ITPR1: variants seen among roughly 807,000 people sequenced by gnomAD.
ITPR1 encodes inositol 1,4,5-trisphosphate-gated calcium channel ITPR1.
Under a neutral mutation model 318.4 loss-of-function variants are expected in ITPR1, and 96 were observed. The observed-to-expected ratio is 0.30, with a 90% confidence interval of 0.26 to 0.36. The LOEUF (loss-of-function observed/expected upper bound fraction) is 0.36, where lower values mean the gene tolerates loss of function less well. Ranked by LOEUF, ITPR1 falls within the 10% of genes least tolerant of loss-of-function variation. The probability of loss-of-function intolerance (pLI) is 1.00; values close to 1 mark genes in which losing one functional copy is unlikely to be tolerated. For missense variants in ITPR1, 2,440 were observed against 3,460.2 expected (o/e 0.71, Z 7.40); for synonymous variants, 1,312 against 1,289.9 (o/e 1.02, Z -0.37).
intron 4 of ITPR1, among the ~76,000 whole-genome samples, chr3:4,583,808 G>A (rs1399218466): frequency 6.6e-6 from 1 of 152,146 alleles, no homozygotes; most frequent in Non-Finnish European, 1.5e-5. Context: ...CAGGATGGGG[G>A]TACCCTGAAG....
At chr3:4,619,618 C>T (rs1208416772) in intron 4 of ITPR1, among the ~76,000 whole-genome samples, 4 of 36,776 alleles carry the variant, frequency 1.1e-4, no homozygotes, top group Admixed American at 2.8e-4. Context: ...CTGCCCTCCC[C>T]TGCTCTCCTC....
At position 4,687,490 on chromosome 3, in the gene ITPR1, C is replaced by T. The variant is rs192064511; in HGVS notation, c.3703-1005C>T. 7.9e-5 allele frequency among the ~76,000 whole-genome samples: 12 copies of T among 152,264 alleles called. No individual in the cohort carries two copies. In the East Asian group the frequency reaches 2.1e-3, roughly 27 times the overall value. On this transcript the variant is annotated intron_variant, in intron 30 of 61. Coordinates refer to ENST00000649015, the MANE Select transcript of ITPR1 (RefSeq NM_001378452.1). ...TTGGAGATCTGGGATAAGAGTAGCG[C>T]AGTCAGGTTTGGTGACCTGCATTCC...
At chr3:4,715,030 TATCTC>T (rs1250922748) in intron 39 of ITPR1, among the ~76,000 whole-genome samples, 1 of 152,260 alleles carries the variant, frequency 6.6e-6, no homozygotes, top group African/African-American at 2.4e-5. Context: ...ACATCTGCCT[TATCTC>T]AGTTCAGCCT....
chr3:4,783,823 G>A lies in ITPR1; in HGVS notation c.6518G>A (p.Arg2173Gln), dbSNP rs1353726332. Reference sequence around the variant, plus strand: ...TCTGTCCCTGTATTCTAGTTGGCTCGGCATAACAAAGAACTTCAGAGCATG... The same window carrying A: ...TCTGTCCCTGTATTCTAGTTGGCTCAGCATAACAAAGAACTTCAGAGCATG... ...NIYILAHQLA[R>Q]HNKELQSMLK... The change falls in exon 51 of 62, where the codon CGG (arginine) becomes CAG (glutamine). Residue 2173 changes from arginine to glutamine, a missense_variant. Arg to Gln is a conservative substitution (Grantham distance 43, BLOSUM62 1). Transcript: ENST00000649015. 3.7e-6 allele frequency: 6 copies of A among 1,601,648 alleles called. No homozygotes were observed. Among genetic ancestry groups the A allele is most frequent in the Admixed American group, 1.7e-5 (1 of 58,424 alleles).
intron 4 of ITPR1, among the ~76,000 whole-genome samples, chr3:4,603,431 G>GTTTTGTTTTTGT (rs1168864002): frequency 6.6e-6 from 1 of 151,176 alleles, no homozygotes; most frequent in Non-Finnish European, 1.5e-5. Flanking sequence ...TTTATTTTTG[G>GTTTTGTTTTTGT]TTTTGTTTTT....
intron 28 of ITPR1, among the ~76,000 whole-genome samples, chr3:4,684,019 G>A (rs767709817): frequency 2.6e-5 from 4 of 152,192 alleles, no homozygotes; most frequent in East Asian, 1.9e-4. Context: ...AAGAGACTGC[G>A]ATATTGAGTG....
chr3:4,504,869 G>T (rs566202272), intron 2 of ITPR1, among the ~76,000 whole-genome samples: 1 of 152,248 alleles, frequency 6.6e-6, no homozygotes, highest in Admixed American at 6.5e-5. Context: ...GGGCATCGCA[G>T]GGAGACTTGT....
In ITPR1 at chr3:4,836,764, T is replaced by C. The variant is rs2050955988; in HGVS notation, c.8029-10T>C. On this transcript the variant is annotated splice_polypyrimidine_tract_variant and intron_variant, in intron 60 of 61. Transcript: ENST00000649015. ...TTTTTTTTTTTTTTTTTTTTTAATG[T>C]GGATTCTAGGAAAGAAACCTTGACT... 1 of 1,281,602 alleles carries C rather than the reference T, an allele frequency of 7.8e-7. No homozygotes were observed. The highest frequency in any genetic ancestry group is 1.0e-6 in the Non-Finnish European group (1 of 995,598). 79.4% of individuals were successfully genotyped at this position (1,281,602 alleles called of 1,614,324 possible). A position where few individuals can be genotyped will look rare whatever the true frequency, so the allele number is the denominator to read the frequency against.
At position 4,733,112 on chromosome 3, in the gene ITPR1, G is replaced by A; in HGVS notation, c.5245G>A (p.Val1749Ile). ...KRGEALRQVLVNRYYGNVRPS... is the reference protein window; with the variant it reads ...KRGEALRQVLINRYYGNVRPS... ...GGGTGAGGCGCTCAGGCAAGTTCTG[G>A]TCAACCGTTACTATGGAAACGTCAG... The change falls in exon 43 of 62, where the codon GTC (valine) becomes ATC (isoleucine). Residue 1749 changes from valine (V) to isoleucine (I), a missense_variant. By Grantham distance (29) the Val-to-Ile change is conservative. This residue lies in a region of ITPR1 where 166 missense variants were observed against 143.7 expected (regional missense o/e 1.16). Coordinates refer to ENST00000649015, the MANE Select transcript of ITPR1 (RefSeq NM_001378452.1). The A allele has an allele frequency of 3.7e-6, 6 of 1,613,516 alleles. No individual in the cohort carries two copies. The highest frequency in any genetic ancestry group is 2.7e-5 in the African/African-American group (2 of 75,044).
At chr3:4,750,877 C>T (rs542009446) in intron 44 of ITPR1, 1 of 152,744 alleles carries the variant, frequency 6.5e-6, no homozygotes, top group African/African-American at 2.4e-5. Flanking sequence ...CCCGGGACAT[C>T]AGAAGTTGTT....
chr3:4,499,719 T>C (rs1349005207), intron 2 of ITPR1, among the ~76,000 whole-genome samples: 1 of 152,212 alleles, frequency 6.6e-6, no homozygotes, highest in Non-Finnish European at 1.5e-5. Flanking sequence ...ACTGCATCAG[T>C]GCAATGTGGT....
At chr3:4,702,757 G>C in intron 35 of ITPR1, 73 bp from the exon 36 acceptor site, 2 of 1,504,568 alleles carry the variant, frequency 1.3e-6, no homozygotes, top group South Asian at 1.2e-5. Context: ...CAATGTCTCT[G>C]TCTCTGATCG....
chr3:4,649,807 G>A (rs947244966), intron 10 of ITPR1, among the ~76,000 whole-genome samples: 8 of 152,200 alleles, frequency 5.3e-5, no homozygotes, highest in Non-Finnish European at 1.0e-4. Context: ...TGGTTCATCT[G>A]CTGTGTCCTC....
chr3:4,494,141 C>T (rs1437974498), intron 1 of ITPR1, among the ~76,000 whole-genome samples: 1 of 152,254 alleles, frequency 6.6e-6, no homozygotes, highest in Non-Finnish European at 1.5e-5. Context: ...CGCCGGGAAA[C>T]AAGTGCTTTG....
At chr3:4,556,155 G>A (rs1372838605) in intron 4 of ITPR1, among the ~76,000 whole-genome samples, 1 of 152,078 alleles carries the variant, frequency 6.6e-6, no homozygotes, top group African/African-American at 2.4e-5. Flanking sequence ...ACATTGATAG[G>A]AAGGTACAGA....
chr3:4,689,530 T>C (rs2094448408), intron 31 of ITPR1, among the ~76,000 whole-genome samples: 1 of 152,336 alleles, frequency 6.6e-6, no homozygotes, highest in South Asian at 2.1e-4. Flanking sequence ...ACCAGCAGAC[T>C]ATAATGCAAA....
At chr3:4,583,719 C>A (rs2089592127) in intron 4 of ITPR1, among the ~76,000 whole-genome samples, 1 of 152,154 alleles carries the variant, frequency 6.6e-6, no homozygotes. Context: ...AGGACTATTT[C>A]CCACTTCCAT....
intron 60 of ITPR1, among the ~76,000 whole-genome samples, chr3:4,824,142 C>A (rs779292694): frequency 2.0e-5 from 3 of 152,140 alleles, no homozygotes; most frequent in South Asian, 4.1e-4. Flanking sequence ...AACCTGCCCC[C>A]CCATGGTAGC....
At chr3:4,700,773 A>C (rs2094635890) in intron 35 of ITPR1, among the ~76,000 whole-genome samples, 1 of 152,198 alleles carries the variant, frequency 6.6e-6, no homozygotes, top group Non-Finnish European at 1.5e-5. Flanking sequence ...TTTACAGAAG[A>C]AAAAGGTTTA....
Sources: gnomAD v4.1 joint callset for allele counts (sites outside exome capture counted in the v4.1 genomes callset) on GRCh38, gnomAD v4.1.1 for gene constraint, gnomAD v4.1.1 regional missense constraint, MANE v1.5 for transcripts, NCBI Gene and HGNC (gene_info 2026-07-23, HGNC 2026-07-21) for gene names.